CDC27: variants seen among roughly 807,000 people sequenced by gnomAD.
CDC27 encodes cell division cycle protein 27 homolog.
CDC27 carries 27 observed loss-of-function variants against 109.7 expected under a neutral mutation model. The ratio of observed to expected loss-of-function variants is 0.25; its 90% CI spans 0.18 to 0.34. The LOEUF is 0.34. Among genes scored for constraint, CDC27 ranks in the 10% least tolerant of loss-of-function variants. The pLI, the probability that CDC27 is intolerant of heterozygous loss-of-function variation, is 1.00. For synonymous variants in CDC27, 266 were observed against 333.9 expected, an observed-to-expected ratio of 0.80 and a Z score of 2.22; for missense variants, 579 against 960.2, an observed-to-expected ratio of 0.60 and a Z score of 5.25.
intron 2 of CDC27, among the ~76,000 whole-genome samples, chr17:47,173,136 A>G (rs1224346203): frequency 6.6e-6 from 1 of 152,252 alleles, no homozygotes; most frequent in Non-Finnish European, 1.5e-5. Flanking sequence ...AACTTGCCAC[A>G]TCTTTTTAAA....
intron 14 of CDC27, 130 bp from the exon 15 acceptor site, chr17:47,132,504 G>T: frequency 2.5e-6 from 1 of 407,680 alleles, no homozygotes. Flanking sequence ...GGTCTTAGAG[G>T]AGAGGCAAAA....
At chr17:47,133,076 C>T (rs1409455834) in intron 14 of CDC27, among the ~76,000 whole-genome samples, 3 of 83,872 alleles carry the variant, frequency 3.6e-5, no homozygotes, top group African/African-American at 5.0e-5. Flanking sequence ...CACACACACA[C>T]ACACACACAA....
At chr17:47,148,805 C>T (rs1487269894) in intron 9 of CDC27, among the ~76,000 whole-genome samples, 1 of 152,038 alleles carries the variant, frequency 6.6e-6, no homozygotes, top group African/African-American at 2.4e-5. Context: ...CTTGGCCAGG[C>T]GTAGTGGCTC....
chr17:47,165,478 G>A (rs1170346230), intron 4 of CDC27, among the ~76,000 whole-genome samples: 1 of 152,088 alleles, frequency 6.6e-6, no homozygotes, highest in Non-Finnish European at 1.5e-5. Context: ...ACTCTCTTTG[G>A]TGAAATGTCC....
chr17:47,134,811 G>A (rs928020927), intron 14 of CDC27, among the ~76,000 whole-genome samples: 11 of 148,942 alleles, frequency 7.4e-5, no homozygotes, highest in South Asian at 2.1e-4. Context: ...TTTTGTTAGG[G>A]AAGGGGTCTT....
intron 18 of CDC27, among the ~76,000 whole-genome samples, chr17:47,121,752 T>C (rs2061988524): frequency 6.6e-6 from 1 of 152,012 alleles, no homozygotes; most frequent in Non-Finnish European, 1.5e-5. Context: ...TTTTTTTTTT[T>C]TTTTGAGACA....
chr17:47,186,501 T>C (rs1438427949), intron 1 of CDC27, among the ~76,000 whole-genome samples: 1 of 152,244 alleles, frequency 6.6e-6, no homozygotes, highest in Non-Finnish European at 1.5e-5. Context: ...TCTTTGCTTC[T>C]TTTTTAAAAA....
chr17:47,134,569 A>C (rs972006621), intron 14 of CDC27, among the ~76,000 whole-genome samples: 1 of 151,482 alleles, frequency 6.6e-6, no homozygotes, highest in Non-Finnish European at 1.5e-5. Flanking sequence ...TCCACCTCCC[A>C]GGTTCAAGTG....
At chr17:47,148,467 G>A (rs1314429004) in intron 9 of CDC27, among the ~76,000 whole-genome samples, 1 of 152,050 alleles carries the variant, frequency 6.6e-6, no homozygotes, top group Non-Finnish European at 1.5e-5. Context: ...CAAGTACCTG[G>A]AGTCCCAGAG....
intron 4 of CDC27, among the ~76,000 whole-genome samples, chr17:47,159,031 C>T (rs866156892): frequency 7.9e-5 from 12 of 152,200 alleles, no homozygotes; most frequent in Non-Finnish European, 1.5e-4. Context: ...GAATTACAGG[C>T]GTGATCCACC....
At chr17:47,145,474 T>C (rs973293513) in intron 9 of CDC27, among the ~76,000 whole-genome samples, 1 of 152,216 alleles carries the variant, frequency 6.6e-6, no homozygotes, top group Non-Finnish European at 1.5e-5. Context: ...TCCTGAGATC[T>C]ACTAAGTCCT....
chr17:47,158,400 C>T (rs1598511731), intron 4 of CDC27, 97 bp from the exon 5 acceptor site: 1 of 473,046 alleles, frequency 2.1e-6, no homozygotes, highest in East Asian at 3.5e-5. Context: ...TACAGAAGTT[C>T]AGAGAGCACT....
chr17:47,152,062 ATTG>A (rs2063169962), intron 8 of CDC27, 144 bp from the exon 9 acceptor site: 2 of 507,608 alleles, frequency 3.9e-6, no homozygotes, highest in Non-Finnish European at 3.2e-6. Flanking sequence ...TTTATATCAT[ATTG>A]TTAATTATTG....
rs62075659 is a variant in CDC27, at chr17:47,138,844, A to G, written c.1599T>C (p.Val533=). Residue 533 remains valine, a synonymous_variant, in exon 13 of 19, where the codon GTT becomes GTC. Transcript: ENST00000066544. ...TTGTAGAGTAGATCTCCATGCCTTCAACTCTATAATTCTCAATCCTTCTAA... is the reference window on the plus strand; with the variant it reads ...TTGTAGAGTAGATCTCCATGCCTTCGACTCTATAATTCTCAATCCTTCTAA... ...SEVRRIENYR[V]EGMEIYSTTL... is the part of the protein sequence containing the mutation. The G allele has an allele frequency of 1.2e-6, 2 of 1,605,220 alleles. No individual in the cohort carries two copies. The highest frequency in any genetic ancestry group is 2.2e-5 in the South Asian group (2 of 90,588).
At chr17:47,137,975 A>T (rs1327571244) in intron 13 of CDC27, among the ~76,000 whole-genome samples, 6 of 151,562 alleles carry the variant, frequency 4.0e-5, no homozygotes, top group African/African-American at 1.5e-4. Context: ...TAATTTTTGT[A>T]TTTTTTGTGG....
intron 14 of CDC27, among the ~76,000 whole-genome samples, chr17:47,135,700 C>A (rs2062561941): frequency 6.6e-6 from 1 of 152,094 alleles, no homozygotes; most frequent in African/African-American, 2.4e-5. Flanking sequence ...GAATAATCCT[C>A]CTTTAAACAC....
intron 9 of CDC27, among the ~76,000 whole-genome samples, 180 bp from the exon 10 acceptor site, chr17:47,144,162 G>A (rs1264866191): frequency 1.3e-5 from 2 of 151,992 alleles, no homozygotes; most frequent in Non-Finnish European, 2.9e-5. Flanking sequence ...AAAAATGAGG[G>A]ACTCGGACTG....
chr17:47,168,962 G>C (rs188603524), intron 4 of CDC27, among the ~76,000 whole-genome samples: 235 of 151,180 alleles, frequency 1.6e-3, no homozygotes, highest in African/African-American at 5.4e-3. Context: ...ATTCCCATGG[G>C]CAGAGTTACT....
chr17:47,181,162 G>A (rs1008577822), intron 2 of CDC27: 1 of 148,026 alleles, frequency 6.8e-6, no homozygotes, highest in Non-Finnish European at 1.5e-5. Context: ...GGCTGATGTG[G>A]GAGGATCGCT....
Sources: gnomAD v4.1 joint callset for allele counts (sites outside exome capture counted in the v4.1 genomes callset) on GRCh38, gnomAD v4.1.1 for gene constraint, MANE v1.5 for transcripts, NCBI Gene and HGNC (gene_info 2026-07-23, HGNC 2026-07-21) for gene names.